Variants in TRIM36 observed in about 807,000 individuals in gnomAD.
TRIM36 encodes E3 ubiquitin-protein ligase TRIM36.
In TRIM36, 42 loss-of-function variants were observed where a neutral mutation model predicts 72.4. The observed-to-expected ratio is 0.58, with a 90% CI of 0.45 to 0.75. The LOEUF is 0.75. TRIM36 is among the 30% of genes least tolerant of loss of function. The pLI, the probability that TRIM36 is intolerant of heterozygous loss-of-function variation, is 0.00. For missense variants in TRIM36, 913 were observed against 857.1 expected, an observed-to-expected ratio of 1.07 and a Z score of -0.81; for synonymous variants, 315 against 282.8, an observed-to-expected ratio of 1.11 and a Z score of -1.14.
chr5:115,152,879 A>G lies in TRIM36; in HGVS notation c.263-5485T>C, dbSNP rs142680229. On this transcript the variant is annotated intron_variant, in intron 2 of 9. Transcript: ENST00000513154. The stretch of plus-strand genomic sequence containing the variant: ...GCTAAAAGGAGCTCTAAATCTTGAA[A>G]CAAATCCTGGAAACGCATCAAAACA... Among the ~76,000 whole-genome samples the G allele has an allele frequency of 2.0e-5, 3 of 152,334 alleles. No homozygotes were observed. In the East Asian group the frequency reaches 5.8e-4, roughly 29 times the overall value.
intron 4 of TRIM36, 103 bp from the exon 5 acceptor site, chr5:115,141,477 T>C: frequency 1.7e-6 from 1 of 580,080 alleles, no homozygotes; most frequent in Non-Finnish European, 2.9e-6. Context: ...TTCTACAGCC[T>C]CTGATAAACA....
rs1755445951 is a variant in TRIM36 at position 115,178,398 on chromosome 5, G to A, written c.63+1577C>T. On this transcript the variant is annotated intron_variant, in intron 1 of 9. Coordinates refer to the TRIM36 transcript ENST00000282369. Reference sequence around the variant, plus strand: ...TTAGGCATTCCCCTAGACCTGGGCAGTCGGTGTCCTGCCTGCACCTCTCGC... The same window carrying A: ...TTAGGCATTCCCCTAGACCTGGGCAATCGGTGTCCTGCCTGCACCTCTCGC... 2.0e-5 allele frequency among the ~76,000 whole-genome samples: 3 copies of A among 152,174 alleles called. No homozygotes were observed. In the South Asian group the frequency reaches 6.2e-4, roughly 32 times the overall value.
chr5:115,141,303 T>A lies in TRIM36; in HGVS notation c.807A>T (p.Leu269=). The A allele has an allele frequency of 6.2e-7, 1 of 1,602,800 alleles. No individual in the cohort carries two copies. The highest frequency in any genetic ancestry group is 8.5e-7 in the Non-Finnish European group (1 of 1,176,944). The change falls in exon 5 of 10, where the codon CTA becomes CTT. Residue 269 remains leucine, a synonymous_variant. Transcript: ENST00000513154. ...ESQVKSQISE[L]NLLMKETECN... ...CCTCTGTTTCTTTCATTAACAAGTT[T>A]AGTTCAGATATTTGACTCTTCACCT...
At chr5:115,132,282 C>T (rs769377151) in intron 8 of TRIM36, among the ~76,000 whole-genome samples, 5 of 151,410 alleles carry the variant, frequency 3.3e-5, no homozygotes, top group Non-Finnish European at 7.4e-5. Context: ...GTCTATAATT[C>T]CAGCACTTTG....
At chr5:115,146,710 G>A (rs904869738) in intron 3 of TRIM36, among the ~76,000 whole-genome samples, 1 of 152,080 alleles carries the variant, frequency 6.6e-6, no homozygotes, top group East Asian at 1.9e-4. Context: ...AAGCAATTAT[G>A]GATTTATGAC....
chr5:115,144,934 G>T (rs539531947), intron 3 of TRIM36, among the ~76,000 whole-genome samples, 190 bp from the exon 4 acceptor site: 25 of 152,212 alleles, frequency 1.6e-4, no homozygotes, highest in African/African-American at 4.6e-4. Context: ...TTTTCAATTT[G>T]AGGGTTCAAA....
chr5:115,129,806 T>C (rs1752552793), intron 9 of TRIM36, among the ~76,000 whole-genome samples: 1 of 152,172 alleles, frequency 6.6e-6, no homozygotes, highest in Non-Finnish European at 1.5e-5. Flanking sequence ...ATGTTCCCCA[T>C]TTTTTTCAAT....
rs1752326290 is a variant in TRIM36 at position 115,125,482 on chromosome 5, CAT to C, written c.*1019_*1020del. 1 of 151,838 alleles carries C rather than the reference CAT, an allele frequency of 6.6e-6. No homozygotes were observed. The highest frequency in any genetic ancestry group is 2.4e-5 in the African/African-American group (1 of 41,350). 9.4% of individuals were successfully genotyped at this position (151,838 alleles called of 1,614,324 possible). On this transcript the variant is annotated 3_prime_UTR_variant, in exon 10 of 10. Transcript: ENST00000513154. ...AAACAGAAAATGCCACATAAGTGAA[CAT>C]TTAAATGTTACAAAAATTTATAATA... is the stretch of plus-strand genomic sequence containing the variant.
At chr5:115,157,552 G>A (rs549041181) in intron 2 of TRIM36, among the ~76,000 whole-genome samples, 71 of 151,740 alleles carry the variant, frequency 4.7e-4, no homozygotes, top group South Asian at 1.0e-3. Context: ...CGACAACAGC[G>A]AAACTCTATC....
upstream of TRIM36, chr5:115,173,944 G>C (rs1482309033): frequency 6.6e-6 from 1 of 152,138 alleles, no homozygotes; most frequent in Non-Finnish European, 1.5e-5. Context: ...TTCTATCACA[G>C]GGGCATGAGC....
intron 3 of TRIM36, among the ~76,000 whole-genome samples, chr5:115,145,723 C>T (rs1020873912): frequency 3.9e-5 from 6 of 151,920 alleles, no homozygotes; most frequent in African/African-American, 4.8e-5. Flanking sequence ...TTAAAAGGAA[C>T]GAACAAAAAG....
In TRIM36 at chr5:115,128,089, T is replaced by TG. The variant is rs33958940; in HGVS notation, c.1797-1233dup. Among the ~76,000 whole-genome samples the TG allele has an allele frequency of 5.2e-3, 757 of 146,596 alleles. 10 individuals are homozygous for TG. Among genetic ancestry groups the TG allele is most frequent in the African/African-American group, 0.016 (658 of 40,122 alleles). ...TGTAGAACAAGGCTATAAAAAAAAT[T>TG]GGGGGGGGCCAGGAGTGGTAGCTCA... On this transcript the variant is annotated intron_variant, in intron 9 of 9. Transcript: ENST00000513154.
intron 8 of TRIM36, among the ~76,000 whole-genome samples, chr5:115,133,295 G>A (rs985850002): frequency 1.3e-5 from 2 of 152,148 alleles, no homozygotes; most frequent in Non-Finnish European, 1.5e-5. Flanking sequence ...TAGTATCAGT[G>A]GTTTTTAACT....
intron 2 of TRIM36, among the ~76,000 whole-genome samples, chr5:115,156,729 G>C (rs1467054175): frequency 6.6e-6 from 1 of 152,154 alleles, no homozygotes; most frequent in Non-Finnish European, 1.5e-5. Context: ...AGATAACACT[G>C]AAAAAACCAT....
Position 115,126,544 on chromosome 5 carries a change from G to A in TRIM36, c.2110C>T (p.Pro704Ser), listed in dbSNP as rs1000404331. The A allele has an allele frequency of 1.2e-6, 2 of 1,612,236 alleles. No homozygotes were observed. Among genetic ancestry groups the A allele is most frequent in the Admixed American group, 3.3e-5 (2 of 59,996 alleles). ...TATTCCAGATATTTTGCTGTGATGG[G>A]TTCTTCAAGCTGAATTCCTCCACTG... ...MGSGGIQLEEPITAKYLEYQE... is the reference protein window; with the variant it reads ...MGSGGIQLEESITAKYLEYQE... Residue 704 changes from proline to serine, a missense_variant, in exon 10 of 10, where the codon CCC becomes TCC. By Grantham distance (74) the Pro-to-Ser change is moderately conservative. Transcript: ENST00000513154.
chr5:115,130,506 G>A, intron 9 of TRIM36, 86 bp downstream of exon 9: 1 of 1,432,312 alleles, frequency 7.0e-7, no homozygotes, highest in Non-Finnish European at 9.4e-7. Flanking sequence ...AATAAGAAAT[G>A]TATACTCCAA....
rs532352888 is a variant in TRIM36, at chr5:115,137,493, T to G, written c.955A>C (p.Lys319Gln). The change falls in exon 6 of 10, where the codon AAA becomes CAA. Residue 319 changes from lysine (K) to glutamine (Q), a missense_variant. Transcript: ENST00000513154. ...TACTCTTCCATTTGAGTCTGAAATT[T>G]GTCTAATCTTAGTTTCTTAGAGGAG... The part of the protein sequence containing the change: ...IDSSKKLRLD[K>Q]FQTQMEEYQG... 1 of 1,614,050 alleles carries G rather than the reference T, an allele frequency of 6.2e-7. No individual in the cohort carries two copies. Among genetic ancestry groups the G allele is most frequent in the Non-Finnish European group, 8.5e-7 (1 of 1,180,026 alleles).
At chr5:115,145,189 G>C (rs755363946) in intron 3 of TRIM36, among the ~76,000 whole-genome samples, 13 of 152,148 alleles carry the variant, frequency 8.5e-5, no homozygotes, top group Non-Finnish European at 1.8e-4. Flanking sequence ...CATGGCCTCA[G>C]TAACAGAAAT....
At chr5:115,146,944 C>A in intron 3 of TRIM36, 125 bp downstream of exon 3, 1 of 1,056,002 alleles carries the variant, frequency 9.5e-7, no homozygotes, top group Non-Finnish European at 1.3e-6. Context: ...CTTATACCTG[C>A]TTTTAAAGTT....
Sources: allele counts gnomAD v4.1 joint callset (sites outside exome capture counted in the v4.1 genomes callset), GRCh38; gene constraint gnomAD v4.1.1; transcripts MANE v1.5; gene names NCBI Gene and HGNC (gene_info 2026-07-23, HGNC 2026-07-21).